Variants in BLVRA observed in about 807,000 individuals in gnomAD.
BLVRA encodes biliverdin reductase A.
BLVRA carries 22 observed loss-of-function variants against 32.8 expected under a neutral mutation model. The ratio of observed to expected loss-of-function variants is 0.67; its 90% CI spans 0.48 to 0.96. BLVRA has a LOEUF of 0.96. Among genes scored for constraint, BLVRA ranks in the 40% least tolerant of loss-of-function variants. BLVRA has a pLI of 0.00. For missense variants in BLVRA, 323 were observed against 358.1 expected, an observed-to-expected ratio of 0.90 and a Z score of 0.79; for synonymous variants, 119 against 141.3, an observed-to-expected ratio of 0.84 and a Z score of 1.12.
At chr7:43,797,934 G>A (rs560522288) in intron 5 of BLVRA, among the ~76,000 whole-genome samples, 100 of 152,094 alleles carry the variant, frequency 6.6e-4, no homozygotes, top group Non-Finnish European at 1.1e-3. Context: ...GCTCACACCT[G>A]TAATCCTAGC....
intron 1 of BLVRA, chr7:43,764,272 G>A (rs2095745454): frequency 6.6e-6 from 1 of 152,070 alleles, no homozygotes; most frequent in Non-Finnish European, 1.5e-5. Flanking sequence ...GTTATGATCT[G>A]GACCTTCTGG....
At chr7:43,794,635 T>G (rs1227576655) in intron 5 of BLVRA, among the ~76,000 whole-genome samples, 6 of 152,000 alleles carry the variant, frequency 3.9e-5, no homozygotes, top group African/African-American at 1.4e-4. Flanking sequence ...CTCAGGAGGC[T>G]GAGGCAGCAG....
At chr7:43,805,258 G>A (rs2095802872) in intron 7 of BLVRA, among the ~76,000 whole-genome samples, 2 of 151,288 alleles carry the variant, frequency 1.3e-5, no homozygotes. Flanking sequence ...AGATGTTGGG[G>A]AGGCAGAGGC....
Position 43,787,817 on chromosome 7 carries a change from C to T in BLVRA, c.13-87C>T, listed in dbSNP as rs1563545157. On this transcript the variant is annotated intron_variant, in intron 2 of 7. Coordinates refer to ENST00000265523, the MANE Select transcript of BLVRA (RefSeq NM_000712.4). The surrounding 1 kb of genome is among the most constrained non-coding windows in gnomAD (Gnocchi z 4.5). ...TTGGGCTGGCTTCCATCTTGCTCGTCGGGACCCTGCCAGCTCCTTTGTTTT... is the reference window on the plus strand; with the variant it reads ...TTGGGCTGGCTTCCATCTTGCTCGTTGGGACCCTGCCAGCTCCTTTGTTTT... 14 of 1,606,068 alleles carry T rather than the reference C, an allele frequency of 8.7e-6. No individual in the cohort carries two copies. The highest frequency in any genetic ancestry group is 2.2e-5 in the East Asian group (1 of 44,800).
At chr7:43,789,327 G>T (rs529492876) in intron 3 of BLVRA, among the ~76,000 whole-genome samples, 1 of 152,242 alleles carries the variant, frequency 6.6e-6, no homozygotes, top group East Asian at 1.9e-4. Flanking sequence ...CATTCATGGG[G>T]CCATCCTCTT....
At chr7:43,792,949 C>T (rs1255453067) in intron 5 of BLVRA, 137 bp downstream of exon 5, 6 of 835,714 alleles carry the variant, frequency 7.2e-6, no homozygotes, top group African/African-American at 5.1e-5. Flanking sequence ...GCCTCCTCAC[C>T]CCCACACTGT....
At chr7:43,806,911 C>T in intron 7 of BLVRA, 66 bp from the exon 8 acceptor site, 1 of 1,591,402 alleles carries the variant, frequency 6.3e-7, no homozygotes, top group Non-Finnish European at 8.6e-7. Context: ...GGTCTGGTGC[C>T]AGCAAGCACC....
intron 2 of BLVRA, among the ~76,000 whole-genome samples, chr7:43,783,246 C>T (rs997438391): frequency 6.6e-6 from 1 of 152,216 alleles, no homozygotes; most frequent in African/African-American, 2.4e-5. Flanking sequence ...TGTTTCCCAG[C>T]CACTCTGTTT....
intron 1 of BLVRA, among the ~76,000 whole-genome samples, chr7:43,764,911 C>T (rs1028950294): frequency 6.6e-6 from 1 of 152,180 alleles, no homozygotes; most frequent in Non-Finnish European, 1.5e-5. Context: ...GTGTCCTGCT[C>T]TTGATCACAT....
chr7:43,759,751 A>C (rs1010735803), intron 1 of BLVRA, among the ~76,000 whole-genome samples: 4 of 152,232 alleles, frequency 2.6e-5, no homozygotes, highest in African/African-American at 9.7e-5. Context: ...GAAGATATTA[A>C]AATTATGGAA....
At chr7:43,775,862 G>C (rs941181855) in intron 2 of BLVRA, among the ~76,000 whole-genome samples, 26 of 152,186 alleles carry the variant, frequency 1.7e-4, no homozygotes, top group Non-Finnish European at 3.4e-4. Context: ...TCCTGGTTTA[G>C]TCTTGGGAGG....
intron 2 of BLVRA, among the ~76,000 whole-genome samples, chr7:43,780,463 A>G (rs2095767653): frequency 6.6e-6 from 1 of 152,144 alleles, no homozygotes; most frequent in Non-Finnish European, 1.5e-5. Context: ...ATGCTCATGG[A>G]ACTTATCGCT....
At chr7:43,776,841 A>G (rs1485005897) in intron 2 of BLVRA, among the ~76,000 whole-genome samples, 1 of 152,098 alleles carries the variant, frequency 6.6e-6, no homozygotes, top group African/African-American at 2.4e-5. Flanking sequence ...TTGGGTGCAT[A>G]TATATTTAGG....
intron 2 of BLVRA, among the ~76,000 whole-genome samples, chr7:43,785,343 AAAAAG>A (rs1203038433): frequency 6.6e-6 from 1 of 151,738 alleles, no homozygotes; most frequent in Non-Finnish European, 1.5e-5. Flanking sequence ...AAAAAAAAAA[AAAAAG>A]AAAAGAAAAC....
intron 1 of BLVRA, among the ~76,000 whole-genome samples, chr7:43,763,247 C>G (rs1182698848): frequency 1.3e-5 from 2 of 152,128 alleles, no homozygotes; most frequent in African/African-American, 4.8e-5. Flanking sequence ...GCTGGAGGAG[C>G]CACTCCCTTC....
chr7:43,779,837 C>T (rs1388505119), intron 2 of BLVRA, among the ~76,000 whole-genome samples: 1 of 151,944 alleles, frequency 6.6e-6, no homozygotes, highest in East Asian at 1.9e-4. Context: ...TTGGGTCCTC[C>T]TCTGCTGTTC....
intron 2 of BLVRA, among the ~76,000 whole-genome samples, chr7:43,775,096 T>C (rs1473836867): frequency 1.3e-5 from 2 of 152,120 alleles, no homozygotes; most frequent in South Asian, 2.1e-4. Flanking sequence ...CAGGGACAAT[T>C]TGACTTCCTC....
intron 1 of BLVRA, chr7:43,767,693 T>C: frequency 1.9e-6 from 1 of 517,550 alleles, no homozygotes; most frequent in Non-Finnish European, 3.5e-6. Context: ...TGAAAGAACA[T>C]GTTAAAGTCA....
chr7:43,775,415 T>C (rs2095759585), intron 2 of BLVRA, among the ~76,000 whole-genome samples: 1 of 152,252 alleles, frequency 6.6e-6, no homozygotes, highest in Non-Finnish European at 1.5e-5. Context: ...TTTTTGTCTT[T>C]GGTTCTGTTT....
Sources: allele counts gnomAD v4.1 joint callset (sites outside exome capture counted in the v4.1 genomes callset), GRCh38; gene constraint gnomAD v4.1.1; non-coding constraint Gnocchi (gnomAD v3.1); transcripts MANE v1.5; gene names NCBI Gene and HGNC (gene_info 2026-07-23, HGNC 2026-07-21).